Variants in BTRC observed in about 807,000 individuals in gnomAD.
BTRC encodes beta-transducin repeat containing E3 ubiquitin protein ligase.
Under a neutral mutation model 85.5 loss-of-function variants are expected in BTRC, and 42 were observed. The observed-to-expected ratio is 0.49, with a 90% CI of 0.38 to 0.64. BTRC has a LOEUF of 0.64. BTRC is among the 30% of genes least tolerant of loss of function. The probability of loss-of-function intolerance (pLI) is 0.00; values close to 1 mark genes in which losing one functional copy is unlikely to be tolerated. For missense variants in BTRC, 594 were observed against 743.5 expected (o/e 0.80, Z 2.34); for synonymous variants, 255 against 263.3 (o/e 0.97, Z 0.30).
chr10:101,516,683 C>CAG, intron 4 of BTRC, among the ~76,000 whole-genome samples: 1 of 152,156 alleles, frequency 6.6e-6, no homozygotes, highest in Non-Finnish European at 1.5e-5. Flanking sequence ...TTAGCTTCTG[C>CAG]AGTAGGATAC....
chr10:101,410,173 G>A (rs918723267), intron 1 of BTRC, among the ~76,000 whole-genome samples: 1 of 152,132 alleles, frequency 6.6e-6, no homozygotes, highest in African/African-American at 2.4e-5. Flanking sequence ...TAGTACATCT[G>A]GATTTCCTGG....
intron 11 of BTRC, 35 bp downstream of exon 11, chr10:101,535,507 A>G: frequency 7.4e-7 from 1 of 1,347,368 alleles, no homozygotes; most frequent in Non-Finnish European, 1.1e-6. Flanking sequence ...TAAGGGATCA[A>G]TATTATGCTC....
chr10:101,490,748 T>C (rs887028778), intron 4 of BTRC, among the ~76,000 whole-genome samples: 3 of 152,180 alleles, frequency 2.0e-5, no homozygotes, highest in Admixed American at 1.3e-4. Flanking sequence ...AGAGAAGTAG[T>C]GTATTCAGAA....
chr10:101,401,108 C>T (rs1484034475), intron 1 of BTRC, among the ~76,000 whole-genome samples: 6 of 152,098 alleles, frequency 3.9e-5, no homozygotes, highest in Non-Finnish European at 2.9e-5. Context: ...ACAGTCCCTT[C>T]GAACTTATTG....
At chr10:101,473,790 A>T (rs1945603131) in intron 3 of BTRC, among the ~76,000 whole-genome samples, 1 of 151,656 alleles carries the variant, frequency 6.6e-6, no homozygotes, top group African/African-American at 2.4e-5. Flanking sequence ...TAGAGACAGG[A>T]TCTCACTACG....
chr10:101,384,329 G>T (rs964155706), intron 1 of BTRC, among the ~76,000 whole-genome samples: 12 of 152,152 alleles, frequency 7.9e-5, no homozygotes, highest in Admixed American at 7.9e-4. Flanking sequence ...TGCTTCCCAG[G>T]CTAAATCACA....
At chr10:101,378,393 A>G (rs1286136815) in intron 1 of BTRC, among the ~76,000 whole-genome samples, 2 of 152,106 alleles carry the variant, frequency 1.3e-5, no homozygotes, top group Middle Eastern at 3.2e-3. Context: ...TGAAGCTGGA[A>G]CATAATTTCC....
At chr10:101,476,545 C>T (rs998305225) in intron 3 of BTRC, among the ~76,000 whole-genome samples, 12 of 151,724 alleles carry the variant, frequency 7.9e-5, no homozygotes, top group Non-Finnish European at 1.0e-4. Context: ...AATCATAGCT[C>T]CCTGCAGTCT....
intron 4 of BTRC, among the ~76,000 whole-genome samples, chr10:101,509,689 A>C (rs1461199216): frequency 1.4e-4 from 21 of 148,772 alleles, no homozygotes; most frequent in Admixed American, 2.7e-4. Context: ...AGTAACTGAG[A>C]CTACAGGCAT....
intron 2 of BTRC, among the ~76,000 whole-genome samples, chr10:101,455,378 AT>A (rs1424667887): frequency 6.6e-6 from 1 of 152,168 alleles, no homozygotes; most frequent in Admixed American, 6.5e-5. Flanking sequence ...CCTCTGAAAT[AT>A]AAGATGAAAC....
At chr10:101,391,986 CTT>C (rs879386711) in intron 1 of BTRC, among the ~76,000 whole-genome samples, 1 of 147,474 alleles carries the variant, frequency 6.8e-6, no homozygotes, top group African/African-American at 2.5e-5. Flanking sequence ...AACTAATATT[CTT>C]TTTTTTTTTG....
chr10:101,434,246 T>G (rs1336153802), intron 2 of BTRC, among the ~76,000 whole-genome samples: 1 of 152,202 alleles, frequency 6.6e-6, no homozygotes, highest in Admixed American at 6.5e-5. Flanking sequence ...AATACCATTT[T>G]CAGGTAGTTG....
At chr10:101,525,095 A>T (rs868480216) in intron 5 of BTRC, among the ~76,000 whole-genome samples, 48 of 152,318 alleles carry the variant, frequency 3.2e-4, no homozygotes, top group African/African-American at 1.1e-3. Flanking sequence ...GAATGTTTTT[A>T]TCTCAGTTGT....
At chr10:101,391,835 T>C (rs1276359552) in intron 1 of BTRC, among the ~76,000 whole-genome samples, 2 of 152,154 alleles carry the variant, frequency 1.3e-5, no homozygotes, top group Admixed American at 6.5e-5. Context: ...ATGTGTAAAT[T>C]GTGTCCAGAT....
intron 1 of BTRC, among the ~76,000 whole-genome samples, chr10:101,358,598 T>C (rs906102331): frequency 3.3e-5 from 5 of 152,198 alleles, no homozygotes; most frequent in African/African-American, 1.2e-4. Flanking sequence ...AAAAAAACAA[T>C]TATTTTTCCC....
intron 5 of BTRC, among the ~76,000 whole-genome samples, chr10:101,525,449 T>A (rs2062176413): frequency 6.6e-6 from 1 of 152,216 alleles, no homozygotes; most frequent in South Asian, 2.1e-4. Context: ...GTCTTTCTCT[T>A]GGGATATTTC....
intron 9 of BTRC, 104 bp downstream of exon 9, chr10:101,533,174 A>G: frequency 4.0e-6 from 3 of 747,948 alleles, no homozygotes; most frequent in Non-Finnish European, 6.4e-6. Flanking sequence ...CTGAAACTAA[A>G]GAAGAATAAA....
intron 3 of BTRC, among the ~76,000 whole-genome samples, chr10:101,473,186 A>T (rs1037062227): frequency 1.4e-5 from 2 of 140,606 alleles, no homozygotes; most frequent in African/African-American, 2.7e-5. Flanking sequence ...TCTTCAGTTT[A>T]TATGATTTCA....
At chr10:101,484,253 C>T (rs1170085660) in intron 4 of BTRC, among the ~76,000 whole-genome samples, 1 of 152,148 alleles carries the variant, frequency 6.6e-6, no homozygotes, top group Non-Finnish European at 1.5e-5. Context: ...TGATAGAAGA[C>T]TTGTTTTATT....
Sources: allele counts gnomAD v4.1 joint callset (sites outside exome capture counted in the v4.1 genomes callset), GRCh38; gene constraint gnomAD v4.1.1; transcripts MANE v1.5; gene names NCBI Gene and HGNC (gene_info 2026-07-23, HGNC 2026-07-21).